The following PECAM1 variants were observed in gnomAD, a reference collection of about 807,000 sequenced individuals.
The protein encoded by PECAM1 is platelet and endothelial cell adhesion molecule 1.
A neutral mutation model predicts 13.8 loss-of-function variants in PECAM1; 8 were observed. The observed-to-expected ratio is 0.58, with a 90% CI of 0.34 to 1.05. The LOEUF (loss-of-function observed/expected upper bound fraction) is 1.05. Among genes scored for constraint, PECAM1 ranks in the 50% least tolerant of loss-of-function variants. The pLI is 0.03. For missense variants in PECAM1, 304 were observed against 141.2 expected (o/e 2.15, Z -5.84); for synonymous variants, 136 against 52.6 (o/e 2.58, Z -6.86).
At chr17:64,372,745 C>T (rs902893085) in intron 4 of PECAM1, among the ~76,000 whole-genome samples, 14 of 152,010 alleles carry the variant, frequency 9.2e-5, no homozygotes, top group East Asian at 7.9e-4. Context: ...TCAGGTGATC[C>T]GCCTGCCTCA....
intron 10 of PECAM1, among the ~76,000 whole-genome samples, chr17:64,352,855 G>A (rs1157929483): frequency 1.3e-5 from 2 of 151,980 alleles, no homozygotes; most frequent in Non-Finnish European, 2.9e-5. Flanking sequence ...GGGTTTCGCT[G>A]GCTAGGCTGG....
intron 14 of PECAM1, among the ~76,000 whole-genome samples, chr17:64,333,943 CAAAAAAA>C (rs869179014): frequency 2.0e-3 from 140 of 69,600 alleles, no homozygotes; most frequent in Admixed American, 5.1e-3. Context: ...GACCCTGTCT[CAAAAAAA>C]AAAAAAAAAA....
At chr17:64,361,882 C>G (rs1279743703) in intron 6 of PECAM1, among the ~76,000 whole-genome samples, 1 of 151,840 alleles carries the variant, frequency 6.6e-6, no homozygotes, top group Non-Finnish European at 1.5e-5. Context: ...AGATTTCCTC[C>G]TCCCAAGAAC....
chr17:64,364,623 A>G (rs2143826006), intron 5 of PECAM1, among the ~76,000 whole-genome samples: 2 of 147,960 alleles, frequency 1.4e-5, no homozygotes, highest in Admixed American at 1.4e-4. Context: ...CTTATCCACC[A>G]TGATCAAGTG....
rs1418431822 is a variant in PECAM1, at chr17:64,321,746, G to A, written c.*2070C>T. The A allele has an allele frequency of 2.4e-6, 3 of 1,240,554 alleles. No individual in the cohort carries two copies. Among genetic ancestry groups the A allele is most frequent in the African/African-American group, 3.1e-5 (2 of 65,500 alleles). 76.8% of individuals were successfully genotyped at this position (1,240,554 alleles called of 1,614,324 possible). On this transcript the variant is annotated 3_prime_UTR_variant, in exon 16 of 16. Coordinates refer to ENST00000563924, the MANE Select transcript of PECAM1 (RefSeq NM_000442.5). ...ACTGCACTCCAGCCTGGGCAACAGA[G>A]CAAGCCCCTGTCTCAACAAAACAAA...
intron 2 of PECAM1, among the ~76,000 whole-genome samples, chr17:64,385,794 A>G (rs58201794): frequency 0.88 from 134,353 of 152,152 alleles, 61,747 homozygotes; most frequent in East Asian, 1. Context: ...GCAGTGGGGT[A>G]CTCCAGGTAA....
intron 2 of PECAM1, among the ~76,000 whole-genome samples, chr17:64,389,602 T>TTA (rs2036672293): frequency 6.6e-6 from 1 of 152,194 alleles, no homozygotes; most frequent in Non-Finnish European, 1.5e-5. Flanking sequence ...AACAAATCAA[T>TTA]TATATCTCAT....
intron 10 of PECAM1, 25 bp downstream of exon 10, chr17:64,353,466 G>A (rs1036019531): frequency 7.3e-5 from 34 of 466,890 alleles, no homozygotes; most frequent in African/African-American, 5.6e-4. Flanking sequence ...CAGAGCAGCC[G>A]CCCCCTTCTT....
chr17:64,340,070 C>T (rs8079084), intron 14 of PECAM1, among the ~76,000 whole-genome samples: 19,047 of 151,978 alleles, frequency 0.13, 1,325 homozygotes, highest in Non-Finnish European at 0.15. Context: ...CCTTAGGGGC[C>T]GGGGGGTGTT....
At chr17:64,324,218 C>T (rs782116727) in intron 15 of PECAM1, among the ~76,000 whole-genome samples, 15 of 152,168 alleles carry the variant, frequency 9.9e-5, no homozygotes, top group African/African-American at 3.6e-4. Context: ...CAGCCTCTCT[C>T]CCACCCACTC....
chr17:64,378,203 C>A, intron 2 of PECAM1, 86 bp from the exon 3 acceptor site: 1 of 412,598 alleles, frequency 2.4e-6, no homozygotes. Flanking sequence ...CAGATGTGGT[C>A]TTATCCCATC....
intron 3 of PECAM1, 122 bp from the exon 4 acceptor site, chr17:64,375,478 G>T: frequency 2.5e-6 from 1 of 397,632 alleles, no homozygotes; most frequent in African/African-American, 2.1e-5. Flanking sequence ...CCATGAGAGG[G>T]CTCTTTTTTG....
chr17:64,381,460 A>G (rs1258890433), intron 2 of PECAM1, among the ~76,000 whole-genome samples: 1 of 152,056 alleles, frequency 6.6e-6, no homozygotes, highest in Non-Finnish European at 1.5e-5. Flanking sequence ...ATTTTTTTGG[A>G]ATAAGAAAAA....
chr17:64,324,038 C>A, intron 15 of PECAM1, 193 bp from the exon 16 acceptor site: 1 of 857,428 alleles, frequency 1.2e-6, no homozygotes, highest in Admixed American at 1.9e-5. Flanking sequence ...ACTACAGATA[C>A]ACGTGGCCCC....
At chr17:64,328,746 C>A (rs1241790981) in intron 15 of PECAM1, among the ~76,000 whole-genome samples, 2 of 152,210 alleles carry the variant, frequency 1.3e-5, no homozygotes, top group African/African-American at 4.8e-5. Context: ...GCTGAAAGTT[C>A]TTCCCAGACC....
Position 64,354,328 on chromosome 17 carries a change from C to T in PECAM1, c.1888+605G>A, listed in dbSNP as rs1053721744. The stretch of plus-strand genomic sequence containing the variant: ...CTCGAAGCTGGCCTAAGATCAACGC[C>T]AGGGTGTGCTCTATCTTCCTTGATG... On this transcript the variant is annotated intron_variant, in intron 9 of 15. Coordinates refer to ENST00000563924, the MANE Select transcript of PECAM1 (RefSeq NM_000442.5). 2.6e-5 allele frequency among the ~76,000 whole-genome samples: 4 copies of T among 152,262 alleles called. No homozygotes were observed. In the South Asian group the frequency reaches 6.2e-4, roughly 24 times the overall value.
Position 64,375,204 on chromosome 17 carries a change from C to G in PECAM1, c.538G>C (p.Glu180Gln). 1 of 475,402 alleles carries G rather than the reference C, an allele frequency of 2.1e-6. No individual in the cohort carries two copies. The highest frequency in any genetic ancestry group is 2.0e-5 in the African/African-American group (1 of 50,642). 29.4% of individuals were successfully genotyped at this position (475,402 alleles called of 1,614,324 possible). A position where few individuals can be genotyped will look rare whatever the true frequency, so the allele number is the denominator to read the frequency against. ...LNEKMVKLKR[E>Q]KNSRDQNFVI... is the part of the protein sequence containing the mutation. ...AAATTCTGGTCTCGAGAATTCTTCT[C>G]TCTTTTCAGCTTGACCATTTTTTCA... The change falls in exon 4 of 16, where the codon GAG becomes CAG. Residue 180 changes from glutamate to glutamine, a missense_variant. Coordinates refer to ENST00000563924, the MANE Select transcript of PECAM1 (RefSeq NM_000442.5).
chr17:64,353,441 T>G (rs2035778283), intron 10 of PECAM1, 50 bp downstream of exon 10: 3 of 453,458 alleles, frequency 6.6e-6, no homozygotes, highest in Non-Finnish European at 1.2e-5. Context: ...CCTCCAGACA[T>G]GTCCACCGTG....
At chr17:64,344,217 G>C (rs926676772) in intron 13 of PECAM1, among the ~76,000 whole-genome samples, 6 of 151,936 alleles carry the variant, frequency 3.9e-5, no homozygotes, top group Non-Finnish European at 7.4e-5. Context: ...GGAGCTTCTA[G>C]AGTTGCAGCT....
Sources: allele counts gnomAD v4.1 joint callset (sites outside exome capture counted in the v4.1 genomes callset), GRCh38; gene constraint gnomAD v4.1.1; transcripts MANE v1.5; gene names NCBI Gene and HGNC (gene_info 2026-07-23, HGNC 2026-07-21).